The following SIDT1 variants were observed in gnomAD, a reference collection of about 807,000 sequenced individuals.
The protein encoded by SIDT1 is SID1 transmembrane family member 1.
SIDT1 carries 101 observed loss-of-function variants against 107.5 expected under a neutral mutation model. The ratio of observed to expected loss-of-function variants is 0.94; its 90% CI spans 0.80 to 1.11. The LOEUF (loss-of-function observed/expected upper bound fraction) is 1.11. Ranked by LOEUF, SIDT1 falls within the 50% of genes least tolerant of loss-of-function variation. The pLI, the probability that SIDT1 is intolerant of heterozygous loss-of-function variation, is 0.00. For missense variants in SIDT1, 1,076 were observed against 1,058.2 expected (o/e 1.02, Z -0.23); for synonymous variants, 395 against 398.2 (o/e 0.99, Z 0.10).
chr3:113,611,921 T>A (rs538827677), intron 18 of SIDT1, among the ~76,000 whole-genome samples, 165 bp from the exon 19 acceptor site: 4 of 152,202 alleles, frequency 2.6e-5, no homozygotes, highest in East Asian at 1.9e-4. Flanking sequence ...TTTTTTTTTT[T>A]TCCTGTCCCT....
rs956803624 is a variant in SIDT1, at chr3:113,604,952, C to T, written c.1380C>T (p.Ile460=). Residue 460 remains isoleucine (I), a synonymous_variant, in exon 14 of 25, where the codon ATC becomes ATT. Coordinates refer to ENST00000264852, the MANE Select transcript of SIDT1 (RefSeq NM_017699.3). The part of the protein sequence containing the change: ...TIAVFYALPV[I]QLVITYQTVV... ...CTGTGTTTTACGCGCTGCCCGTGAT[C>T]CAGCTGGTCATTACCTATCAGACAG... 2 of 1,614,036 alleles carry T rather than the reference C, an allele frequency of 1.2e-6. No individual in the cohort carries two copies.
intron 20 of SIDT1, among the ~76,000 whole-genome samples, chr3:113,619,398 A>G (rs1485897915): frequency 6.6e-6 from 1 of 152,178 alleles, no homozygotes; most frequent in African/African-American, 2.4e-5. Context: ...AAATGGGCCC[A>G]TGGGCCCAGC....
At chr3:113,612,416 A>G (rs926960187) in intron 19 of SIDT1, 2 of 599,288 alleles carry the variant, frequency 3.3e-6, no homozygotes, top group Non-Finnish European at 6.3e-6. Context: ...CTGAGAAACT[A>G]AGGTTTGCCA....
At chr3:113,626,495 A>G (rs1349563422) in intron 24 of SIDT1, among the ~76,000 whole-genome samples, 2 of 152,118 alleles carry the variant, frequency 1.3e-5, no homozygotes, top group Non-Finnish European at 2.9e-5. Context: ...TGGTTATTAG[A>G]CCCACATGCC....
intron 21 of SIDT1, among the ~76,000 whole-genome samples, chr3:113,623,096 T>C (rs1317376586): frequency 2.1e-5 from 3 of 143,538 alleles, no homozygotes; most frequent in African/African-American, 7.9e-5. Flanking sequence ...GAGGTTGAAG[T>C]GGAAGGATCG....
chr3:113,544,838 G>T (rs1279686861), intron 1 of SIDT1, among the ~76,000 whole-genome samples: 1 of 152,222 alleles, frequency 6.6e-6, no homozygotes, highest in Admixed American at 6.5e-5. Flanking sequence ...TGTGGGCCAG[G>T]TGCGGCGGCT....
chr3:113,552,545 T>G (rs1040813341), intron 1 of SIDT1, among the ~76,000 whole-genome samples: 1 of 152,198 alleles, frequency 6.6e-6, no homozygotes, highest in Non-Finnish European at 1.5e-5. Flanking sequence ...AGTAAGTTAC[T>G]GGGCTCAGAC....
At chr3:113,601,448 GT>G in intron 10 of SIDT1, 139 bp from the exon 11 acceptor site, 1 of 558,108 alleles carries the variant, frequency 1.8e-6, no homozygotes. Context: ...ATGGGTCATA[GT>G]TTTGGTGACT....
chr3:113,548,137 T>C (rs1425635411), intron 1 of SIDT1, among the ~76,000 whole-genome samples: 1 of 152,088 alleles, frequency 6.6e-6, no homozygotes, highest in African/African-American at 2.4e-5. Flanking sequence ...GCTTCCTCAT[T>C]GATACCTTCT....
At chr3:113,608,562 CA>C in intron 17 of SIDT1, 26 bp downstream of exon 17, 1 of 1,482,240 alleles carries the variant, frequency 6.7e-7, no homozygotes, top group Non-Finnish European at 9.4e-7. Context: ...ATCTACTATA[CA>C]GATTTGAATC....
intron 1 of SIDT1, among the ~76,000 whole-genome samples, chr3:113,563,303 T>C (rs1341442529): frequency 1.3e-5 from 2 of 152,176 alleles, no homozygotes; most frequent in Non-Finnish European, 2.9e-5. Flanking sequence ...TCACTCCTTA[T>C]ACCACATATG....
intron 1 of SIDT1, among the ~76,000 whole-genome samples, chr3:113,540,474 A>C (rs1938690736): frequency 6.6e-6 from 1 of 152,214 alleles, no homozygotes; most frequent in South Asian, 2.1e-4. Context: ...AGATTTATTT[A>C]TACAGTTTGT....
At chr3:113,589,269 CT>C (rs912818189) in intron 9 of SIDT1, among the ~76,000 whole-genome samples, 1 of 152,088 alleles carries the variant, frequency 6.6e-6, no homozygotes, top group Non-Finnish European at 1.5e-5. Flanking sequence ...CTATTTTTTC[CT>C]TTATTCACTA....
At chr3:113,585,466 A>G (rs1943675602) in intron 9 of SIDT1, among the ~76,000 whole-genome samples, 196 bp downstream of exon 9, 1 of 152,148 alleles carries the variant, frequency 6.6e-6, no homozygotes, top group Non-Finnish European at 1.5e-5. Flanking sequence ...AAGTGAGATA[A>G]TAATTTACCC....
rs1260216588 is a variant in SIDT1 at position 113,593,782 on chromosome 3, T to C, written c.1045+734T>C. Reference sequence around the variant, plus strand: ...AAACTAAGATGGAGGCTTTCTTAAGTGTCTAGAAAACTGAAATACTTGACC... The same window carrying C: ...AAACTAAGATGGAGGCTTTCTTAAGCGTCTAGAAAACTGAAATACTTGACC... On this transcript the variant is annotated intron_variant, in intron 10 of 24. Coordinates refer to ENST00000264852, the MANE Select transcript of SIDT1 (RefSeq NM_017699.3). Among the ~76,000 whole-genome samples the C allele has an allele frequency of 3.3e-5, 5 of 152,310 alleles. No homozygotes were observed. The East Asian group carries it at 9.6e-4, about 29-fold the overall frequency.
intron 1 of SIDT1, among the ~76,000 whole-genome samples, chr3:113,562,534 T>C (rs75931011): frequency 0.013 from 1,939 of 152,314 alleles, 45 homozygotes; most frequent in African/African-American, 0.045. Context: ...TATTATTTAG[T>C]AATAAAAAGG....
intron 6 of SIDT1, among the ~76,000 whole-genome samples, chr3:113,582,940 T>C (rs921617478): frequency 6.6e-6 from 1 of 152,074 alleles, no homozygotes; most frequent in Non-Finnish European, 1.5e-5. Context: ...AATGGGCACA[T>C]AGAGAAACAT....
At chr3:113,624,708 G>C (rs960538873) in intron 23 of SIDT1, among the ~76,000 whole-genome samples, 1 of 151,592 alleles carries the variant, frequency 6.6e-6, no homozygotes, top group African/African-American at 2.4e-5. Context: ...ACCCTTCCTG[G>C]ACTCTGGTAA....
intron 8 of SIDT1, 139 bp downstream of exon 8, chr3:113,584,908 A>T: frequency 1.4e-6 from 1 of 690,336 alleles, no homozygotes; most frequent in Non-Finnish European, 2.4e-6. Context: ...TAGAAAAGGG[A>T]GTCAGAGCAT....
Sources: allele counts gnomAD v4.1 joint callset (sites outside exome capture counted in the v4.1 genomes callset), GRCh38; gene constraint gnomAD v4.1.1; transcripts MANE v1.5; gene names NCBI Gene and HGNC (gene_info 2026-07-23, HGNC 2026-07-21).